The following CFAP20DC variants were observed in gnomAD, a reference collection of about 807,000 sequenced individuals.
CFAP20DC encodes CFAP20 domain containing.
Under a neutral mutation model 101.7 loss-of-function variants are expected in CFAP20DC, and 84 were observed. The ratio of observed to expected loss-of-function variants is 0.83; its 90% CI spans 0.69 to 0.99. The LOEUF (loss-of-function observed/expected upper bound fraction) is 0.99, where lower values mean the gene tolerates loss of function less well. CFAP20DC is among the 50% of genes least tolerant of loss of function. CFAP20DC has a pLI of 0.00. For missense variants in CFAP20DC, 1,007 were observed against 970.3 expected (o/e 1.04, Z -0.50); for synonymous variants, 359 against 351.2 (o/e 1.02, Z -0.25).
At chr3:59,011,016 T>C (rs2093569330) in intron 4 of CFAP20DC, among the ~76,000 whole-genome samples, 1 of 152,182 alleles carries the variant, frequency 6.6e-6, no homozygotes, top group African/African-American at 2.4e-5. Context: ...AACTGGACTA[T>C]AATAGTGGCA....
intron 15 of CFAP20DC, among the ~76,000 whole-genome samples, chr3:58,771,653 A>T (rs895168098): frequency 2.0e-5 from 3 of 152,200 alleles, no homozygotes; most frequent in Non-Finnish European, 4.4e-5. Flanking sequence ...TGAGAAGGAC[A>T]TTCTTCCTGT....
At chr3:58,736,227 T>C (rs1227021367) in intron 3 of CFAP20DC, among the ~76,000 whole-genome samples, 1 of 152,194 alleles carries the variant, frequency 6.6e-6, no homozygotes, top group African/African-American at 2.4e-5. Context: ...TCAATTTCTT[T>C]GGCCAAAAAA....
At chr3:58,766,898 C>T (rs1361652062) in intron 15 of CFAP20DC, among the ~76,000 whole-genome samples, 1 of 152,198 alleles carries the variant, frequency 6.6e-6, no homozygotes, top group African/African-American at 2.4e-5. Flanking sequence ...AAGCATCACA[C>T]TCTTGGGAAA....
intron 6 of CFAP20DC, among the ~76,000 whole-genome samples, chr3:58,889,438 C>T (rs545196320): frequency 6.1e-4 from 93 of 152,254 alleles, no homozygotes; most frequent in Admixed American, 1.2e-3. Context: ...AGGAAGCTGA[C>T]CTAGCTCCAC....
At position 58,964,008 on chromosome 3, in the gene CFAP20DC, G is replaced by T. The variant is rs2091353139; in HGVS notation, c.279-26246C>A. On this transcript the variant is annotated intron_variant, in intron 4 of 16. Transcript: ENST00000482387. This position sits in a 1 kb window ranked among gnomAD's most constrained non-coding sequence, Gnocchi z 4.1. ...CAGGACCTAAGGCCATCTAGGCAAG[G>T]GTTAAGTTATGCACTATTACACTTA... Among the ~76,000 whole-genome samples, 1 of 152,162 alleles carries T rather than the reference G, an allele frequency of 6.6e-6. No homozygotes were observed. The highest frequency in any genetic ancestry group is 2.4e-5 in the African/African-American group (1 of 41,448).
chr3:58,764,248 C>T (rs1429748802), intron 15 of CFAP20DC, among the ~76,000 whole-genome samples: 11 of 152,328 alleles, frequency 7.2e-5, no homozygotes. Context: ...GGCGCCCCTC[C>T]TCCAGCCTTG....
Position 58,844,132 on chromosome 3 carries a change from CATA to C in CFAP20DC, c.1971+4897_1971+4899del, listed in dbSNP as rs1439961937. 4.3e-4 allele frequency among the ~76,000 whole-genome samples: 36 copies of C among 84,034 alleles called. No individual in the cohort carries two copies. The East Asian group carries it at 4.5e-3, about 11-fold the overall frequency. 55.1% of individuals were successfully genotyped at this position (84,034 alleles called of 152,430 possible). A position where few individuals can be genotyped will look rare whatever the true frequency, so the allele number is the denominator to read the frequency against. ...AACGAGCAAAATCACCAGCTAACAT[CATA>C]ATGACAGGATCAAATTCACACATAA... On this transcript the variant is annotated intron_variant, in intron 13 of 16. Coordinates refer to ENST00000482387, the MANE Select transcript of CFAP20DC (RefSeq NM_001394063.1).
chr3:58,807,085 C>T (rs1179731446), intron 14 of CFAP20DC, among the ~76,000 whole-genome samples: 1 of 152,186 alleles, frequency 6.6e-6, no homozygotes, highest in African/African-American at 2.4e-5. Context: ...CTGGGTGGAG[C>T]CCACCACAAC....
intron 14 of CFAP20DC, among the ~76,000 whole-genome samples, chr3:58,828,130 T>C (rs772229719): frequency 1.3e-5 from 2 of 152,094 alleles, no homozygotes; most frequent in Non-Finnish European, 1.5e-5. Context: ...TCTCAGATCA[T>C]GGGGGCTCCT....
chr3:59,004,654 G>A (rs2093392704), intron 4 of CFAP20DC, among the ~76,000 whole-genome samples: 1 of 152,198 alleles, frequency 6.6e-6, no homozygotes, highest in South Asian at 2.1e-4. Context: ...TGATTCTCTT[G>A]AGAAATCTGA....
chr3:58,778,186 T>C (rs1292431982), intron 15 of CFAP20DC, among the ~76,000 whole-genome samples: 1 of 152,166 alleles, frequency 6.6e-6, no homozygotes, highest in South Asian at 2.1e-4. Context: ...CACCCCCACC[T>C]GCGCATTTTG....
intron 6 of CFAP20DC, among the ~76,000 whole-genome samples, chr3:58,906,484 C>T (rs1237005422): frequency 2.0e-5 from 3 of 152,152 alleles, no homozygotes; most frequent in Admixed American, 1.3e-4. Context: ...TCTACCCTGC[C>T]ACCATACTGA....
At chr3:58,998,016 A>G (rs1477416557) in intron 4 of CFAP20DC, among the ~76,000 whole-genome samples, 1 of 152,206 alleles carries the variant, frequency 6.6e-6, no homozygotes, top group Non-Finnish European at 1.5e-5. Flanking sequence ...TCTTCCACAG[A>G]GTTGGCCTCT....
intron 7 of CFAP20DC, among the ~76,000 whole-genome samples, chr3:58,877,005 C>T (rs565133118): frequency 3.9e-5 from 6 of 152,266 alleles, no homozygotes; most frequent in Non-Finnish European, 2.9e-5. Context: ...CTGGGATAAT[C>T]GTAGTACTGA....
intron 16 of CFAP20DC, among the ~76,000 whole-genome samples, chr3:58,746,063 T>C (rs565120810): frequency 6.6e-6 from 1 of 152,174 alleles, no homozygotes; most frequent in Non-Finnish European, 1.5e-5. Context: ...ATTCCCTACC[T>C]GAAAACTCAA....
intron 13 of CFAP20DC, among the ~76,000 whole-genome samples, chr3:58,835,707 G>A (rs999307457): frequency 1.3e-5 from 2 of 152,196 alleles, no homozygotes; most frequent in African/African-American, 2.4e-5. Context: ...ACTGGTGATG[G>A]AGTCAGGTAA....
intron 15 of CFAP20DC, among the ~76,000 whole-genome samples, chr3:58,800,809 T>C (rs1169623065): frequency 6.6e-6 from 1 of 152,032 alleles, no homozygotes; most frequent in Non-Finnish European, 1.5e-5. Context: ...AATGAAACAA[T>C]ATCACTGTCC....
At chr3:58,826,177 T>C (rs552541475) in intron 14 of CFAP20DC, among the ~76,000 whole-genome samples, 1 of 152,342 alleles carries the variant, frequency 6.6e-6, no homozygotes, top group African/African-American at 2.4e-5. Flanking sequence ...TTTGGGTGTA[T>C]ATTTAATATC....
intron 4 of CFAP20DC, among the ~76,000 whole-genome samples, chr3:58,940,201 G>C (rs1480233443): frequency 6.6e-6 from 1 of 152,224 alleles, no homozygotes; most frequent in Non-Finnish European, 1.5e-5. Flanking sequence ...ACTGAGCCAG[G>C]AAAATTGCTG....
Sources: gnomAD v4.1 joint callset for allele counts (sites outside exome capture counted in the v4.1 genomes callset) on GRCh38, gnomAD v4.1.1 for gene constraint, Gnocchi (gnomAD v3.1) non-coding constraint, MANE v1.5 for transcripts, NCBI Gene and HGNC (gene_info 2026-07-23, HGNC 2026-07-21) for gene names.